KCNH5: variants seen among roughly 807,000 people sequenced by gnomAD.
KCNH5 encodes the protein voltage-gated delayed rectifier potassium channel KCNH5.
A neutral mutation model predicts 96.1 loss-of-function variants in KCNH5; 46 were observed. The ratio of observed to expected loss-of-function variants is 0.48; its 90% CI spans 0.38 to 0.61. The LOEUF (loss-of-function observed/expected upper bound fraction) is 0.61. Among genes scored for constraint, KCNH5 ranks in the 20% least tolerant of loss-of-function variants. The pLI is 0.00. For synonymous variants in KCNH5, 439 were observed against 449.8 expected (o/e 0.98, Z 0.30); for missense variants, 907 against 1,225.8 (o/e 0.74, Z 3.88).
At chr14:62,899,487 T>C (rs1474980729) in intron 7 of KCNH5, among the ~76,000 whole-genome samples, 1 of 152,154 alleles carries the variant, frequency 6.6e-6, no homozygotes, top group Non-Finnish European at 1.5e-5. Context: ...CATTCCATAA[T>C]GTATACACTT....
At chr14:62,868,004 C>G (rs4902192) in intron 7 of KCNH5, among the ~76,000 whole-genome samples, 1 of 152,194 alleles carries the variant, frequency 6.6e-6, no homozygotes, top group East Asian at 1.9e-4. Context: ...TATAACCTGA[C>G]GCTCTCTCCA....
chr14:63,041,544 TA>T (rs1345468588), intron 1 of KCNH5, among the ~76,000 whole-genome samples: 1 of 152,162 alleles, frequency 6.6e-6, no homozygotes, highest in Non-Finnish European at 1.5e-5. Context: ...ATTTATACTT[TA>T]AACTTTACAA....
intron 4 of KCNH5, among the ~76,000 whole-genome samples, chr14:62,989,397 T>C (rs534511708): frequency 7.8e-4 from 118 of 152,220 alleles, no homozygotes; most frequent in African/African-American, 2.6e-3. Context: ...AAAGAATAAA[T>C]TCAAAACTAA....
At chr14:62,816,542 G>A (rs1273008808) in intron 8 of KCNH5, among the ~76,000 whole-genome samples, 1 of 151,834 alleles carries the variant, frequency 6.6e-6, no homozygotes, top group African/African-American at 2.4e-5. Context: ...GAGCTTTCTG[G>A]TAAATTAAAC....
At chr14:62,859,495 G>A (rs1388858783) in intron 7 of KCNH5, among the ~76,000 whole-genome samples, 2 of 152,142 alleles carry the variant, frequency 1.3e-5, no homozygotes, top group African/African-American at 2.4e-5. Context: ...GCACTCACAT[G>A]AGCTACAAAT....
chr14:62,957,661 C>T (rs1238580306), intron 6 of KCNH5, among the ~76,000 whole-genome samples: 1 of 152,192 alleles, frequency 6.6e-6, no homozygotes, highest in Admixed American at 6.5e-5. Context: ...AAGCCTAGGC[C>T]TCAAAAGGCC....
At chr14:62,719,939 A>G (rs772677623) in intron 10 of KCNH5, among the ~76,000 whole-genome samples, 1 of 152,250 alleles carries the variant, frequency 6.6e-6, no homozygotes, top group Non-Finnish European at 1.5e-5. Flanking sequence ...ACCATGTTCC[A>G]AGCTCTGTTT....
chr14:62,955,918 G>T (rs1890095601), intron 6 of KCNH5, among the ~76,000 whole-genome samples: 1 of 152,114 alleles, frequency 6.6e-6, no homozygotes, highest in South Asian at 2.1e-4. Flanking sequence ...AGTTAGCAAG[G>T]AACAGAAGTA....
At chr14:62,782,790 G>A (rs992839935) in intron 9 of KCNH5, among the ~76,000 whole-genome samples, 13 of 152,130 alleles carry the variant, frequency 8.5e-5, no homozygotes, top group African/African-American at 3.1e-4. Context: ...CAGCCTGGAT[G>A]ACAGAGTGAG....
intron 7 of KCNH5, among the ~76,000 whole-genome samples, chr14:62,850,635 A>G (rs1887785490): frequency 6.6e-6 from 1 of 151,832 alleles, no homozygotes; most frequent in African/African-American, 2.4e-5. Context: ...TAATTCACCA[A>G]CTCTTCTTTC....
intron 7 of KCNH5, among the ~76,000 whole-genome samples, chr14:62,906,817 G>T (rs1889036985): frequency 2.0e-5 from 3 of 151,870 alleles, no homozygotes; most frequent in African/African-American, 7.3e-5. Context: ...TTCCTCATCA[G>T]CAAGAAATGT....
At chr14:62,951,411 T>C (rs1007618266) in intron 6 of KCNH5, among the ~76,000 whole-genome samples, 1 of 152,202 alleles carries the variant, frequency 6.6e-6, no homozygotes, top group South Asian at 2.1e-4. Context: ...TCATTCCTGA[T>C]GCAGTTCACA....
chr14:62,729,074 G>A (rs1226115609), intron 10 of KCNH5, among the ~76,000 whole-genome samples: 2 of 152,104 alleles, frequency 1.3e-5, no homozygotes, highest in African/African-American at 2.4e-5. Flanking sequence ...CATTCACTAT[G>A]TTTTCTTTTT....
chr14:62,765,520 T>C (rs1280422703), intron 10 of KCNH5, among the ~76,000 whole-genome samples: 2 of 152,110 alleles, frequency 1.3e-5, no homozygotes, highest in African/African-American at 4.8e-5. Context: ...AATTGACAAA[T>C]GGGACCTAAT....
At chr14:62,721,373 A>G (rs1884810827) in intron 10 of KCNH5, among the ~76,000 whole-genome samples, 1 of 152,106 alleles carries the variant, frequency 6.6e-6, no homozygotes, top group African/African-American at 2.4e-5. Flanking sequence ...CTTCTGATCT[A>G]TTTACAGTCA....
chr14:62,964,709 G>A (rs1890272840), intron 6 of KCNH5, among the ~76,000 whole-genome samples: 2 of 152,098 alleles, frequency 1.3e-5, no homozygotes. Context: ...ACCCAGGAAT[G>A]TCTTTCTCAA....
chr14:62,775,116 T>C (rs1240017584), intron 10 of KCNH5, among the ~76,000 whole-genome samples: 1 of 152,232 alleles, frequency 6.6e-6, no homozygotes, highest in Non-Finnish European at 1.5e-5. Flanking sequence ...ACATATGATA[T>C]ATGAAAATAT....
intron 4 of KCNH5, among the ~76,000 whole-genome samples, chr14:62,990,385 ATG>A (rs1890787111): frequency 6.6e-6 from 1 of 152,112 alleles, no homozygotes; most frequent in Non-Finnish European, 1.5e-5. Flanking sequence ...ATGTCTGTGT[ATG>A]TGTGTACCTT....
chr14:62,973,762 T>C (rs933321240), intron 6 of KCNH5, among the ~76,000 whole-genome samples: 1 of 152,216 alleles, frequency 6.6e-6, no homozygotes, highest in Admixed American at 6.5e-5. Context: ...ATCCTAGTTA[T>C]ACCACTGAAG....
Sources: gnomAD v4.1 joint callset for allele counts (sites outside exome capture counted in the v4.1 genomes callset) on GRCh38, gnomAD v4.1.1 for gene constraint, MANE v1.5 for transcripts, NCBI Gene and HGNC (gene_info 2026-07-23, HGNC 2026-07-21) for gene names.